The following WDR1 variants were observed in gnomAD, a reference collection of about 807,000 sequenced individuals.
The protein encoded by WDR1 is WD repeat-containing protein 1.
Under a neutral mutation model 71.9 loss-of-function variants are expected in WDR1, and 21 were observed. That is an observed-to-expected ratio of 0.29 (90% CI 0.21 to 0.42). The LOEUF (loss-of-function observed/expected upper bound fraction) is 0.42. Ranked by LOEUF, WDR1 falls within the 10% of genes least tolerant of loss-of-function variation. The probability of loss-of-function intolerance (pLI) is 1.00; values close to 1 mark genes in which losing one functional copy is unlikely to be tolerated. For missense variants in WDR1, 696 were observed against 824.5 expected (o/e 0.84, Z 1.91); for synonymous variants, 424 against 347.4 (o/e 1.22, Z -2.45).
chr4:10,077,358 T>A lies in WDR1; in HGVS notation c.1660A>T (p.Met554Leu). Residue 554 changes from methionine to leucine, a missense_variant, in exon 14 of 15, where the codon ATG becomes TTG. Physicochemically the swap from Met to Leu is conservative, Grantham distance 15. Coordinates refer to ENST00000499869, the MANE Select transcript of WDR1 (RefSeq NM_017491.5). Reference sequence around the variant, plus strand: ...CTCAGGGTCCAAACATACACCATCATGTCCATGCCACCGGAGGCAAAGTGT... The same window carrying A: ...CTCAGGGTCCAAACATACACCATCAAGTCCATGCCACCGGAGGCAAAGTGT... ...NEHFASGGMD[M>L]MVYVWTLSDP... 1.2e-6 allele frequency: 2 copies of A among 1,614,018 alleles called. No individual in the cohort carries two copies. The highest frequency in any genetic ancestry group is 1.7e-5 in the Admixed American group (1 of 60,026).
chr4:10,078,873 G>A lies in WDR1; in HGVS notation c.1395+18C>T, dbSNP rs1560527274. The stretch of plus-strand genomic sequence containing the variant: ...GATACCAAGGACAGAGAGCACGGGG[G>A]AGAGGAAAGCGACTTACCACACCCC... On this transcript the variant is annotated intron_variant, in intron 12 of 14. Transcript: ENST00000499869. 1.2e-6 allele frequency: 2 copies of A among 1,604,050 alleles called. No homozygotes were observed. The highest frequency in any genetic ancestry group is 1.7e-6 in the Non-Finnish European group (2 of 1,172,104).
intron 14 of WDR1, chr4:10,077,012 GTCCCA>G (rs1353902001): frequency 2.3e-5 from 9 of 396,160 alleles, no homozygotes; most frequent in African/African-American, 1.8e-4. Flanking sequence ...GGAGACCCTG[GTCCCA>G]GGTGGGATTT....
chr4:10,116,705 C>G lies in WDR1; in HGVS notation c.-39G>C, dbSNP rs1479202280. The G allele has an allele frequency of 1.1e-5, 15 of 1,340,662 alleles. No homozygotes were observed. The highest frequency in any genetic ancestry group is 3.2e-5 in the East Asian group (1 of 31,270). 83.0% of individuals were successfully genotyped at this position (1,340,662 alleles called of 1,614,324 possible). ...TTACCGCGCCGCGCTCGCCGAGAGC[C>G]TCCGGGGCCGGCCCGCGCTGCGAAT... On this transcript the variant is annotated 5_prime_UTR_variant, in exon 1 of 15. Transcript: ENST00000499869.
At chr4:10,094,529 C>G (rs911105402) in intron 5 of WDR1, among the ~76,000 whole-genome samples, 1 of 152,218 alleles carries the variant, frequency 6.6e-6, no homozygotes, top group Non-Finnish European at 1.5e-5. Context: ...TCTCGCCACC[C>G]TCCCTTTTTC....
intron 2 of WDR1, chr4:10,106,492 C>T (rs1713022152): frequency 6.6e-6 from 1 of 152,314 alleles, no homozygotes; most frequent in Admixed American, 6.5e-5. Flanking sequence ...TCCCGCCAGA[C>T]AGATGGCCTC....
intron 9 of WDR1, among the ~76,000 whole-genome samples, chr4:10,083,985 C>T (rs1765110994): frequency 6.6e-6 from 1 of 152,238 alleles, no homozygotes; most frequent in African/African-American, 2.4e-5. Context: ...GGGGCGGGCA[C>T]ATCAGCTCTC....
intron 5 of WDR1, among the ~76,000 whole-genome samples, chr4:10,095,315 C>T (rs775960418): frequency 1.2e-4 from 18 of 152,370 alleles, no homozygotes; most frequent in Non-Finnish European, 2.4e-4. Flanking sequence ...TAAAAAATGC[C>T]CACATATGGT....
At chr4:10,076,473 A>G (rs1764801261) in intron 14 of WDR1, 1 of 152,176 alleles carries the variant, frequency 6.6e-6, no homozygotes, top group African/African-American at 2.4e-5. Flanking sequence ...CTCTTGCTGT[A>G]TTTTTTTCTG....
chr4:10,091,541 C>G (rs1330740750), intron 5 of WDR1: 1 of 152,328 alleles, frequency 6.6e-6, no homozygotes, highest in African/African-American at 2.4e-5. Flanking sequence ...ATCTGGTCTC[C>G]AGTTTCCTGT....
At chr4:10,089,709 AC>A (rs1198449180) in intron 5 of WDR1, among the ~76,000 whole-genome samples, 1 of 152,224 alleles carries the variant, frequency 6.6e-6, no homozygotes, top group African/African-American at 2.4e-5. Flanking sequence ...CTCAGCAGGT[AC>A]GAACACTAAC....
chr4:10,100,062 C>G (rs1016539268), intron 3 of WDR1, among the ~76,000 whole-genome samples: 1 of 152,246 alleles, frequency 6.6e-6, no homozygotes. Flanking sequence ...ACTCTCAAGG[C>G]TTCACGCTTT....
chr4:10,091,019 G>A (rs1340790425), intron 5 of WDR1, among the ~76,000 whole-genome samples: 3 of 152,366 alleles, frequency 2.0e-5, no homozygotes, highest in South Asian at 2.1e-4. Flanking sequence ...GCTCATGAGC[G>A]ATGGGGCTGG....
At chr4:10,088,960 G>C (rs926536318) in intron 5 of WDR1, among the ~76,000 whole-genome samples, 9 of 152,220 alleles carry the variant, frequency 5.9e-5, no homozygotes, top group Non-Finnish European at 1.3e-4. Context: ...CGCTCTACCT[G>C]CTGGGAAAGC....
At chr4:10,098,903 A>C (rs963843886) in intron 4 of WDR1, 89 bp downstream of exon 4, 13 of 1,568,054 alleles carry the variant, frequency 8.3e-6, no homozygotes, top group Admixed American at 3.4e-5. Flanking sequence ...GTTAGTACAG[A>C]CATCAGCGCA....
intron 5 of WDR1, among the ~76,000 whole-genome samples, chr4:10,097,252 C>G (rs998835593): frequency 9.8e-5 from 15 of 152,400 alleles, no homozygotes; most frequent in African/African-American, 3.1e-4. Flanking sequence ...ATCTTTCAGT[C>G]TTCTAACCGT....
In WDR1 at chr4:10,083,185, T is replaced by G. The variant is rs1765081686; in HGVS notation, c.1040-7A>C. 2 of 1,612,168 alleles carry G rather than the reference T, an allele frequency of 1.2e-6. No homozygotes were observed. The highest frequency in any genetic ancestry group is 2.2e-5 in the South Asian group (2 of 90,864). On this transcript the variant is annotated splice_polypyrimidine_tract_variant and splice_region_variant and intron_variant, in intron 9 of 14. Coordinates refer to ENST00000499869, the MANE Select transcript of WDR1 (RefSeq NM_017491.5). ...GTCTCTGAATCCCAGTAATGTAGGG[T>G]GGGGTTAAGGAAAAGCCCGGCTCCC...
In WDR1 at chr4:10,081,464, C is replaced by T. The variant is rs1456743691; in HGVS notation, c.1197-20G>A. 3 of 1,610,422 alleles carry T rather than the reference C, an allele frequency of 1.9e-6. No individual in the cohort carries two copies. Among genetic ancestry groups the T allele is most frequent in the Non-Finnish European group, 2.5e-6 (3 of 1,176,862 alleles). ...TGTCCGCTGTTAGAGAGAAAGGAAG[C>T]ACATTACTTCGACAATGCAGCAGCT... is the stretch of plus-strand genomic sequence containing the variant. On this transcript the variant is annotated intron_variant, in intron 10 of 14. Transcript: ENST00000499869.
chr4:10,078,521 G>A (rs575612588), intron 12 of WDR1: 1 of 204,092 alleles, frequency 4.9e-6, no homozygotes, highest in African/African-American at 2.3e-5. Flanking sequence ...CCAGCCCCAG[G>A]GGATGCCATT....
chr4:10,102,275 G>C (rs1346330671), intron 3 of WDR1, among the ~76,000 whole-genome samples: 2 of 152,218 alleles, frequency 1.3e-5, no homozygotes, highest in African/African-American at 4.8e-5. Context: ...TTGGGCCCAG[G>C]AAGGTGAGTT....
Sources: allele counts gnomAD v4.1 joint callset (sites outside exome capture counted in the v4.1 genomes callset), GRCh38; gene constraint gnomAD v4.1.1; transcripts MANE v1.5; gene names NCBI Gene and HGNC (gene_info 2026-07-23, HGNC 2026-07-21).